The following FAM20A variants were observed in gnomAD, a reference collection of about 807,000 sequenced individuals.
FAM20A encodes the protein pseudokinase FAM20A.
A neutral mutation model predicts 52.0 loss-of-function variants in FAM20A; 42 were observed. The ratio of observed to expected loss-of-function variants is 0.81; its 90% confidence interval spans 0.63 to 1.04. FAM20A has a LOEUF of 1.04. Among genes scored for constraint, FAM20A ranks in the 50% least tolerant of loss-of-function variants. The pLI, the probability that FAM20A is intolerant of heterozygous loss-of-function variation, is 0.00. For missense variants in FAM20A, 742 were observed against 712.7 expected, an observed-to-expected ratio of 1.04 and a Z score of -0.47; for synonymous variants, 304 against 298.9, an observed-to-expected ratio of 1.02 and a Z score of -0.18.
intron 1 of FAM20A, among the ~76,000 whole-genome samples, chr17:68,579,261 A>C (rs184799948): frequency 6.6e-6 from 1 of 152,236 alleles, no homozygotes; most frequent in East Asian, 1.9e-4. Context: ...ACCGAGTCTC[A>C]GCCAATAATC....
chr17:68,569,665 A>G (rs1450287392), intron 1 of FAM20A, among the ~76,000 whole-genome samples: 1 of 152,214 alleles, frequency 6.6e-6, no homozygotes, highest in Admixed American at 6.5e-5. Context: ...TTTGCACAGC[A>G]CAGATGATAA....
At chr17:68,539,818 A>C in intron 9 of FAM20A, 67 bp downstream of exon 9, 1 of 1,504,970 alleles carries the variant, frequency 6.6e-7, no homozygotes, top group Non-Finnish European at 9.2e-7. Context: ...GTTTCCCCCG[A>C]GCAGCTGGCT....
intron 1 of FAM20A, among the ~76,000 whole-genome samples, chr17:68,569,059 C>CA (rs2087466010): frequency 6.6e-6 from 1 of 152,034 alleles, no homozygotes; most frequent in African/African-American, 2.4e-5. Context: ...TTAAACACTA[C>CA]AATTCTGAAA....
rs953896215 is a variant in FAM20A, at chr17:68,564,372, C to A, written c.405-8629G>T. Among the ~76,000 whole-genome samples the A allele has an allele frequency of 2.0e-5, 3 of 152,096 alleles. No individual in the cohort carries two copies. The East Asian group carries it at 5.8e-4, about 29-fold the overall frequency. ...GGCTATTTTTAATCATGATTTTTAC[C>A]ACTTATAAAGATGAGAGACCAGGTG... On this transcript the variant is annotated intron_variant, in intron 1 of 10. Coordinates refer to ENST00000592554, the MANE Select transcript of FAM20A (RefSeq NM_017565.4).
At chr17:68,598,346 T>G (rs2088515163) in intron 1 of FAM20A, among the ~76,000 whole-genome samples, 1 of 152,212 alleles carries the variant, frequency 6.6e-6, no homozygotes, top group African/African-American at 2.4e-5. Context: ...ACAACACATC[T>G]GCTTATTAAT....
chr17:68,552,655 C>T (rs921917682), intron 3 of FAM20A, among the ~76,000 whole-genome samples: 2 of 131,300 alleles, frequency 1.5e-5, no homozygotes, highest in African/African-American at 5.6e-5. Flanking sequence ...GCCCTGTAAA[C>T]CTTTATTTTC....
At chr17:68,597,332 G>C (rs1177529942) in intron 1 of FAM20A, among the ~76,000 whole-genome samples, 1 of 151,950 alleles carries the variant, frequency 6.6e-6, no homozygotes, top group Non-Finnish European at 1.5e-5. Flanking sequence ...TGGACAGTTT[G>C]CTGATACAAT....
Position 68,600,824 on chromosome 17 carries a change from G to A in FAM20A, c.-158C>T. 1.4e-6 allele frequency: 1 copy of A among 730,576 alleles called. No individual in the cohort carries two copies. The highest frequency in any genetic ancestry group is 2.1e-6 in the Non-Finnish European group (1 of 470,618). The allele number at this position is 730,576 out of a possible 1,614,324, so 45.3% of individuals were successfully genotyped here. A position where few individuals can be genotyped will look rare whatever the true frequency, so the allele number is the denominator to read the frequency against. On this transcript the variant is annotated 5_prime_UTR_variant, in exon 1 of 11. Transcript: ENST00000592554. This position sits in a 1 kb window ranked among gnomAD's most constrained non-coding sequence, Gnocchi z 6.2. ...CCCGCGCGGGCTAGTCCCCTGTGGA[G>A]GGGTGTCGCTCCTCAACTTGGGGAC...
rs1358854187 is a variant in FAM20A, at chr17:68,535,471, T to C, written c.*2006A>G. 1 of 454,000 alleles carries C rather than the reference T, an allele frequency of 2.2e-6. No homozygotes were observed. The highest frequency in any genetic ancestry group is 2.0e-5 in the African/African-American group (1 of 50,006). The allele number at this position is 454,000 out of a possible 1,614,324, so 28.1% of individuals were successfully genotyped here. ...TTGGAAGTCCCAAACCATTTTGTGC[T>C]ATTCTTTGAATGTTTTTACCCAGAT... On this transcript the variant is annotated 3_prime_UTR_variant, in exon 11 of 11. Transcript: ENST00000592554.
intron 4 of FAM20A, among the ~76,000 whole-genome samples, chr17:68,550,401 T>G (rs1373570237): frequency 1.1e-5 from 1 of 90,576 alleles, no homozygotes; most frequent in Non-Finnish European, 2.2e-5. Flanking sequence ...TTTTTTAAGA[T>G]AGAGAGTCTC....
chr17:68,541,258 T>G, intron 7 of FAM20A: 1 of 403,828 alleles, frequency 2.5e-6, no homozygotes, highest in Non-Finnish European at 4.7e-6. Context: ...CCTCACCTGC[T>G]TCCTCGTCCC....
intron 1 of FAM20A, among the ~76,000 whole-genome samples, chr17:68,591,093 C>CTTGTTTTGTTT (rs57737609): frequency 0.013 from 1,909 of 149,944 alleles, 49 homozygotes; most frequent in African/African-American, 0.044. Flanking sequence ...TCCAAGGACT[C>CTTGTTTTGTTT]TGTTTTGTTT....
At position 68,600,726 on chromosome 17, in the gene FAM20A, G is replaced by C. The variant is rs2088602462; in HGVS notation, c.-60C>G. On this transcript the variant is annotated 5_prime_UTR_variant, in exon 1 of 11. Transcript: ENST00000592554. The surrounding 1 kb of genome is among the most constrained non-coding windows in gnomAD (Gnocchi z 6.2). ...CGGCTGTCTCCGGGGTCCCGGGAGG[G>C]GTCGCGGGGTGCGGGCAGAAGAGGT... 1.3e-6 allele frequency: 2 copies of C among 1,505,650 alleles called. No individual in the cohort carries two copies. The highest frequency in any genetic ancestry group is 2.8e-5 in the African/African-American group (2 of 71,294). 93.3% of individuals were successfully genotyped at this position (1,505,650 alleles called of 1,614,324 possible).
At chr17:68,575,451 T>TAA (rs1491567011) in intron 1 of FAM20A, among the ~76,000 whole-genome samples, 49 of 123,348 alleles carry the variant, frequency 4.0e-4, no homozygotes, top group African/African-American at 1.5e-3. Context: ...ATATTATATA[T>TAA]TTTATATATT....
intron 1 of FAM20A, among the ~76,000 whole-genome samples, chr17:68,569,312 T>C (rs140086230): frequency 3.8e-4 from 58 of 152,290 alleles, no homozygotes; most frequent in African/African-American, 1.3e-3. Context: ...TCCACCCCTC[T>C]TCTCTACCAC....
At chr17:68,546,396 C>T (rs975244803) in intron 4 of FAM20A, among the ~76,000 whole-genome samples, 2 of 151,920 alleles carry the variant, frequency 1.3e-5, no homozygotes, top group African/African-American at 4.9e-5. Flanking sequence ...ATATTTTTAC[C>T]TCCTTCCACG....
intron 4 of FAM20A, among the ~76,000 whole-genome samples, chr17:68,548,992 A>G (rs1300438197): frequency 6.6e-6 from 1 of 151,922 alleles, no homozygotes; most frequent in Non-Finnish European, 1.5e-5. Context: ...TCAGCCTCCC[A>G]AAGTGCTGGG....
chr17:68,579,346 G>T (rs899277331), intron 1 of FAM20A, among the ~76,000 whole-genome samples: 3 of 152,006 alleles, frequency 2.0e-5, no homozygotes, highest in African/African-American at 7.3e-5. Context: ...ATGGACTATG[G>T]GTCCTCCTCA....
At position 68,551,098 on chromosome 17, in the gene FAM20A, T is replaced by C. The variant is rs765702887; in HGVS notation, c.719+775A>G. Reference sequence around the variant, plus strand: ...CTTTTCTGCAGGTCACCTCATCATCTCAAGGAGGAGCATTCCCCTGGGCTA... The same window carrying C: ...CTTTTCTGCAGGTCACCTCATCATCCCAAGGAGGAGCATTCCCCTGGGCTA... On this transcript the variant is annotated intron_variant, in intron 4 of 10. Transcript: ENST00000592554. 14 of 1,234,202 alleles carry C rather than the reference T, an allele frequency of 1.1e-5. No individual in the cohort carries two copies. In the African/African-American group the frequency reaches 2.2e-4, roughly 19 times the overall value. The allele number at this position is 1,234,202 out of a possible 1,614,324, so 76.5% of individuals were successfully genotyped here.
Sources: gnomAD v4.1 joint callset for allele counts (sites outside exome capture counted in the v4.1 genomes callset) on GRCh38, gnomAD v4.1.1 for gene constraint, Gnocchi (gnomAD v3.1) non-coding constraint, MANE v1.5 for transcripts, NCBI Gene and HGNC (gene_info 2026-07-23, HGNC 2026-07-21) for gene names.